TENM2: variants seen among roughly 807,000 people sequenced by gnomAD.
The protein encoded by TENM2 is teneurin transmembrane protein 2, also known as teneurin-2.
A neutral mutation model predicts 245.2 loss-of-function variants in TENM2; 52 were observed. The observed-to-expected ratio is 0.21, with a 90% CI of 0.17 to 0.27. The LOEUF (loss-of-function observed/expected upper bound fraction) is 0.27. Ranked by LOEUF, TENM2 falls within the 10% of genes least tolerant of loss-of-function variation. The pLI is 1.00. For synonymous variants in TENM2, 1,363 were observed against 1,438.9 expected, an observed-to-expected ratio of 0.95 and a Z score of 1.19; for missense variants, 3,046 against 3,666.8, an observed-to-expected ratio of 0.83 and a Z score of 4.37.
At chr5:168,047,336 A>T in intron 5 of TENM2, 91 bp from the exon 8 acceptor site, 1 of 1,454,996 alleles carries the variant, frequency 6.9e-7, no homozygotes, top group Non-Finnish European at 9.4e-7. Context: ...TCAAAAGGCA[A>T]TCGCTTGGAA....
intron 2 of TENM2, among the ~76,000 whole-genome samples, chr5:167,607,258 G>A (rs1371669579): frequency 6.6e-6 from 1 of 152,040 alleles, no homozygotes; most frequent in Non-Finnish European, 1.5e-5. Flanking sequence ...CTCAGGACTG[G>A]GAAAACAGAG....
intron 2 of TENM2, among the ~76,000 whole-genome samples, chr5:167,451,425 T>C (rs889985175): frequency 6.6e-6 from 1 of 152,202 alleles, no homozygotes; most frequent in Non-Finnish European, 1.5e-5. Context: ...TTTCAGAATG[T>C]TCTTCTACTT....
the TENM2 span, among the ~76,000 whole-genome samples, chr5:167,133,534 T>C: frequency 1.3e-5 from 2 of 151,344 alleles, no homozygotes; most frequent in Admixed American, 6.6e-5. Flanking sequence ...AAAGGTGTGT[T>C]GCTGACAGGT....
At chr5:166,999,221 C>T in the TENM2 span, among the ~76,000 whole-genome samples, 4 of 152,078 alleles carry the variant, frequency 2.6e-5, no homozygotes, top group South Asian at 2.1e-4. Context: ...TAGTGAGATG[C>T]GGATGGATAT....
At chr5:167,097,491 T>G in the TENM2 span, among the ~76,000 whole-genome samples, 1 of 152,132 alleles carries the variant, frequency 6.6e-6, no homozygotes, top group Admixed American at 6.5e-5. Flanking sequence ...ATGGAAGCAA[T>G]GCATCATCTC....
chr5:167,919,760 A>C (rs1777211436), intron 3 of TENM2, among the ~76,000 whole-genome samples: 2 of 152,230 alleles, frequency 1.3e-5, no homozygotes, highest in South Asian at 4.1e-4. Context: ...ATTTATGAGA[A>C]GCAAACTGAA....
intron 13 of TENM2, among the ~76,000 whole-genome samples, chr5:168,173,559 G>A (rs1171026288): frequency 6.6e-6 from 1 of 151,950 alleles, no homozygotes; most frequent in Admixed American, 6.6e-5. Flanking sequence ...GTCATTGATG[G>A]CAATGACAGA....
Position 168,244,601 on chromosome 5 carries a change from T to A in TENM2, c.5702T>A (p.Leu1901Gln). The A allele has an allele frequency of 6.2e-7, 1 of 1,606,378 alleles. No individual in the cohort carries two copies. Among genetic ancestry groups the A allele is most frequent in the Non-Finnish European group, 8.5e-7 (1 of 1,174,896 alleles). ...GTGTCATACTTCTTCAATGGGCGCC[T>A]GGCTGGGCTTCAGCGTGGGGCCATG... Residue 1901 changes from leucine (L) to glutamine (Q), a missense_variant, in exon 26 of 29, where the codon CTG becomes CAG. Physicochemically the swap from Leu to Gln is moderately radical, Grantham distance 113. Coordinates refer to ENST00000518659, the Ensembl canonical transcript of TENM2. This position sits in a 1 kb window ranked among gnomAD's most constrained non-coding sequence, Gnocchi z 4.9.
chr5:168,220,945 C>T (rs1445663943), intron 23 of TENM2, among the ~76,000 whole-genome samples: 3 of 152,048 alleles, frequency 2.0e-5, no homozygotes, highest in Non-Finnish European at 4.4e-5. Context: ...AACCTCATCT[C>T]TACTGAAAAT....
the TENM2 span, among the ~76,000 whole-genome samples, chr5:167,259,485 A>G: frequency 2.6e-5 from 4 of 152,344 alleles, no homozygotes; most frequent in Non-Finnish European, 5.9e-5. Context: ...AGATATGGCT[A>G]TAGGGATCAC....
the TENM2 span, among the ~76,000 whole-genome samples, chr5:167,255,649 A>G: frequency 3.4e-4 from 51 of 152,200 alleles, no homozygotes; most frequent in African/African-American, 1.2e-3. Flanking sequence ...TTACAGCTAC[A>G]TTTTTTTCAA....
intron 2 of TENM2, among the ~76,000 whole-genome samples, chr5:167,483,929 C>T (rs1767911704): frequency 6.6e-6 from 1 of 152,156 alleles, no homozygotes; most frequent in Non-Finnish European, 1.5e-5. Flanking sequence ...ATGGTAGCCT[C>T]AGACAGAAGT....
chr5:168,020,762 C>A (rs2151906049), intron 5 of TENM2, among the ~76,000 whole-genome samples: 1 of 152,324 alleles, frequency 6.6e-6, no homozygotes, highest in Admixed American at 6.5e-5. Flanking sequence ...CTGTTTCCTT[C>A]CACACTCACA....
intron 2 of TENM2, among the ~76,000 whole-genome samples, chr5:167,824,099 G>A (rs1310492994): frequency 6.6e-6 from 1 of 152,200 alleles, no homozygotes; most frequent in African/African-American, 2.4e-5. Flanking sequence ...GGAGGCCAGA[G>A]GCATCGCCTG....
chr5:167,643,491 G>A (rs994331518), intron 2 of TENM2, among the ~76,000 whole-genome samples: 1 of 151,918 alleles, frequency 6.6e-6, no homozygotes, highest in African/African-American at 2.4e-5. Context: ...TATTCCAACT[G>A]CTTCTGTTAA....
intron 2 of TENM2, among the ~76,000 whole-genome samples, chr5:167,435,253 C>T (rs1017334533): frequency 1.3e-5 from 2 of 152,236 alleles, no homozygotes; most frequent in Non-Finnish European, 2.9e-5. Context: ...ACCCAAGTCT[C>T]ATCTTGAACT....
chr5:167,403,648 G>A lies in TENM2; in HGVS notation c.502+28175G>A, dbSNP rs57297225. On this transcript the variant is annotated intron_variant, in intron 2 of 28. Coordinates refer to ENST00000518659, the Ensembl canonical transcript of TENM2. ...GTGCTCTGCTGTTGATTTCTCAGAG[G>A]AGTAAAATATACGTGGCAACTTCTT... 5.1e-3 allele frequency among the ~76,000 whole-genome samples: 779 copies of A among 152,212 alleles called. 7 individuals carry two copies. The highest frequency in any genetic ancestry group is 0.018 in the African/African-American group (751 of 41,542).
intron 2 of TENM2, among the ~76,000 whole-genome samples, chr5:167,861,793 G>A (rs942156809): frequency 3.3e-5 from 5 of 152,200 alleles, no homozygotes; most frequent in Non-Finnish European, 5.9e-5. Context: ...ATAGCACAGG[G>A]CTCAAGCGAC....
intron 2 of TENM2, among the ~76,000 whole-genome samples, chr5:167,391,647 A>AAAAAAAAAAAAAAAT (rs70976420): frequency 2.4e-5 from 3 of 126,838 alleles, no homozygotes; most frequent in Admixed American, 8.2e-5. Flanking sequence ...AAAAAAAAAA[A>AAAAAAAAAAAAAAAT]GCACTCTCAA....
Sources: allele counts gnomAD v4.1 joint callset (sites outside exome capture counted in the v4.1 genomes callset), GRCh38; gene constraint gnomAD v4.1.1; non-coding constraint Gnocchi (gnomAD v3.1); transcripts MANE v1.5; gene names NCBI Gene and HGNC (gene_info 2026-07-23, HGNC 2026-07-21).